Variants in CMTR1 observed in about 807,000 individuals in gnomAD.
CMTR1 encodes the protein cap methyltransferase 1, also known as cap-specific mRNA (nucleoside-2'-O-)-methyltransferase 1.
A neutral mutation model predicts 107.0 loss-of-function variants in CMTR1; 39 were observed. That is an observed-to-expected ratio of 0.36 (90% CI 0.28 to 0.48). The LOEUF is 0.48. Ranked by LOEUF, CMTR1 falls within the 20% of genes least tolerant of loss-of-function variation. The pLI is 0.99. For missense variants in CMTR1, 672 were observed against 1,064.9 expected (o/e 0.63, Z 5.14); for synonymous variants, 366 against 379.5 (o/e 0.96, Z 0.41).
Position 37,479,226 on chromosome 6 carries a change from C to T in CMTR1, c.2346C>T (p.Asp782=). The part of the protein sequence containing the change: ...YNKKTKDSTF[D]LPADSIAPFH... ...AGAAAACCAAGGACTCTACTTTTGA[C>T]CTCCCTGCAGACTCCATTGCCCCAT... The change falls in exon 23 of 24, where the codon GAC becomes GAT. Residue 782 remains aspartate (D), a synonymous_variant. Coordinates refer to ENST00000373451, the MANE Select transcript of CMTR1 (RefSeq NM_015050.3). 1 of 1,613,786 alleles carries T rather than the reference C, an allele frequency of 6.2e-7. No individual in the cohort carries two copies. The highest frequency in any genetic ancestry group is 8.5e-7 in the Non-Finnish European group (1 of 1,179,648).
chr6:37,461,942 T>C (rs1293150978), intron 11 of CMTR1, 28 bp from the exon 12 acceptor site: 1 of 1,613,130 alleles, frequency 6.2e-7, no homozygotes, highest in Non-Finnish European at 8.5e-7. Context: ...ACCCATTGGC[T>C]GCTTTTGGTG....
chr6:37,457,283 A>G (rs1315527789), intron 8 of CMTR1, among the ~76,000 whole-genome samples: 1 of 151,738 alleles, frequency 6.6e-6, no homozygotes, highest in Admixed American at 6.6e-5. Flanking sequence ...CCACAAATGT[A>G]ATTATGCCAA....
intron 13 of CMTR1, among the ~76,000 whole-genome samples, chr6:37,469,521 CTTTTTTTTT>C (rs763917812): frequency 6.8e-4 from 42 of 61,616 alleles, no homozygotes; most frequent in African/African-American, 2.7e-3. Flanking sequence ...TTGTTTTATC[CTTTTTTTTT>C]TTTTTTTTTT....
At chr6:37,430,650 T>TA (rs1318401543), upstream of CMTR1, among the ~76,000 whole-genome samples, 14 of 152,174 alleles carry the variant, frequency 9.2e-5, no homozygotes, top group Non-Finnish European at 1.9e-4. Context: ...TGTTTTCTGT[T>TA]AAAAGCTTTA....
chr6:37,480,590 T>G lies in CMTR1; in HGVS notation c.*445T>G. On this transcript the variant is annotated 3_prime_UTR_variant, in exon 24 of 24. Coordinates refer to ENST00000373451, the MANE Select transcript of CMTR1 (RefSeq NM_015050.3). Reference sequence around the variant, plus strand: ...TTTTATTGGGCCATCCCTGAGTGGGTGGAGACCTGCTGTCATGAGCTGGCC... The same window carrying G: ...TTTTATTGGGCCATCCCTGAGTGGGGGGAGACCTGCTGTCATGAGCTGGCC... 2.4e-5 allele frequency: 25 copies of G among 1,034,830 alleles called. No individual in the cohort carries two copies. The highest frequency in any genetic ancestry group is 2.9e-5 in the Non-Finnish European group (25 of 862,612). The allele number at this position is 1,034,830 out of a possible 1,614,324, so 64.1% of individuals were successfully genotyped here. A position where few individuals can be genotyped will look rare whatever the true frequency, so the allele number is the denominator to read the frequency against.
At chr6:37,432,380 G>T (rs998911958), upstream of CMTR1, among the ~76,000 whole-genome samples, 2 of 152,172 alleles carry the variant, frequency 1.3e-5, no homozygotes, top group African/African-American at 4.8e-5. Flanking sequence ...CTTTGGTTTT[G>T]TGAAGAACGC....
Position 37,462,884 on chromosome 6 carries a change from T to C in CMTR1, c.1381T>C (p.Phe461Leu). 1 of 1,613,900 alleles carries C rather than the reference T, an allele frequency of 6.2e-7. No homozygotes were observed. Among genetic ancestry groups the C allele is most frequent in the Non-Finnish European group, 8.5e-7 (1 of 1,180,036 alleles). Residue 461 changes from phenylalanine (F) to leucine (L), a missense_variant, in exon 13 of 24, where the codon TTC (phenylalanine) becomes CTC (leucine). Around this residue, in one of 2 missense-constraint regions of CMTR1, gnomAD observed 583 missense variants for 968.4 expected, o/e 0.60. Transcript: ENST00000373451. Reference sequence around the variant, plus strand: ...CATAGATGATGTTCGGGATTACCTCTTCGCAGTGAATATTAAACTCAATCA... The same window carrying C: ...CATAGATGATGTTCGGGATTACCTCCTCGCAGTGAATATTAAACTCAATCA... ...VGIDDVRDYL[F>L]AVNIKLNQLR...
In CMTR1 at chr6:37,480,304, G is replaced by A; in HGVS notation, c.*159G>A. 1 of 1,438,026 alleles carries A rather than the reference G, an allele frequency of 7.0e-7. No individual in the cohort carries two copies. Among genetic ancestry groups the A allele is most frequent in the Non-Finnish European group, 9.0e-7 (1 of 1,110,808 alleles). The allele number at this position is 1,438,026 out of a possible 1,614,324, so 89.1% of individuals were successfully genotyped here. ...TGGCCTCCTCTCCATCCCCTGAAGA[G>A]CTCAGGCAGGGCCCTGCAGAGAACA... On this transcript the variant is annotated 3_prime_UTR_variant, in exon 24 of 24. Transcript: ENST00000373451.
chr6:37,462,854 G>A lies in CMTR1; in HGVS notation c.1351G>A (p.Val451Met). The A allele has an allele frequency of 1.2e-6, 2 of 1,613,076 alleles. No homozygotes were observed. Among genetic ancestry groups the A allele is most frequent in the Non-Finnish European group, 1.7e-6 (2 of 1,180,044 alleles). Residue 451 changes from valine (V) to methionine (M), a missense_variant, in exon 13 of 24, where the codon GTG becomes ATG. Around this residue, in one of 2 missense-constraint regions of CMTR1, gnomAD observed 583 missense variants for 968.4 expected, o/e 0.60. Transcript: ENST00000373451. ...GTATGTGGTGTGCAAGGGCCTGAAG[G>A]TGGGCATAGATGATGTTCGGGATTA... ...ERYVVCKGLK[V>M]GIDDVRDYLF...
chr6:37,440,374 A>G (rs922074021), intron 2 of CMTR1, among the ~76,000 whole-genome samples: 10 of 152,220 alleles, frequency 6.6e-5, no homozygotes, highest in Non-Finnish European at 1.0e-4. Context: ...TGAAAAGAGT[A>G]GCCTCAAAGG....
chr6:37,479,547 G>A (rs1761813622), intron 23 of CMTR1, among the ~76,000 whole-genome samples: 1 of 152,198 alleles, frequency 6.6e-6, no homozygotes, highest in African/African-American at 2.4e-5. Flanking sequence ...GCCACGTTTC[G>A]GTGACATTCC....
Position 37,462,037 on chromosome 6 carries a change from G to C in CMTR1, c.1260G>C (p.Leu420=), listed in dbSNP as rs1202092694. ...TTAGTGTGGGGCTTGTCTACCTGCT[G>C]TACTGCTGCTTTGAACGAGTTTGTC... ...TPFSVGLVYL[L]YCCFERVCLF... Residue 420 remains leucine, a synonymous_variant, in exon 12 of 24, where the codon CTG becomes CTC. Transcript: ENST00000373451. 16 of 1,613,772 alleles carry C rather than the reference G, an allele frequency of 9.9e-6. No homozygotes were observed. Among genetic ancestry groups the C allele is most frequent in the Admixed American group, 1.7e-5 (1 of 59,940 alleles).
At chr6:37,476,345 T>C in intron 20 of CMTR1, 151 bp downstream of exon 20, 1 of 762,680 alleles carries the variant, frequency 1.3e-6, no homozygotes, top group East Asian at 2.6e-5. Context: ...TTGGGGGTGC[T>C]AGGTAGGTGA....
chr6:37,431,962 C>T (rs951102995), upstream of CMTR1, among the ~76,000 whole-genome samples: 5 of 152,248 alleles, frequency 3.3e-5, no homozygotes, highest in African/African-American at 9.6e-5. Context: ...ACTATAGGTG[C>T]GCACCACCAC....
chr6:37,435,504 C>T, intron 1 of CMTR1, 120 bp from the exon 2 acceptor site: 1 of 1,067,816 alleles, frequency 9.4e-7, no homozygotes, highest in Non-Finnish European at 1.3e-6. Flanking sequence ...AGTGCTGGCA[C>T]TGGAAGATGT....
Position 37,481,225 on chromosome 6 carries a change from G to A in CMTR1, c.*1080G>A, listed in dbSNP as rs1761849928. The A allele has an allele frequency of 1.5e-6, 2 of 1,296,830 alleles. No homozygotes were observed. The highest frequency in any genetic ancestry group is 2.0e-6 in the Non-Finnish European group (2 of 985,126). 80.3% of individuals were successfully genotyped at this position (1,296,830 alleles called of 1,614,324 possible). On this transcript the variant is annotated 3_prime_UTR_variant, in exon 24 of 24. Transcript: ENST00000373451. ...GGAGCTGGGCAGTAGCTTGGGGTGG[G>A]GGTGGGCACCTGTGGTTGTTTTTAA...
intron 13 of CMTR1, among the ~76,000 whole-genome samples, chr6:37,467,287 A>T (rs892956442): frequency 1.3e-5 from 2 of 152,168 alleles, no homozygotes; most frequent in Admixed American, 6.6e-5. Context: ...GATTATGTAT[A>T]TGTGTTGTAT....
chr6:37,473,412 G>A (rs1317197539), intron 16 of CMTR1, 58 bp from the exon 17 acceptor site: 14 of 1,570,190 alleles, frequency 8.9e-6, no homozygotes, highest in South Asian at 1.2e-5. Flanking sequence ...GCCCAGATAG[G>A]CACCCATACT....
chr6:37,451,886 T>G lies in CMTR1; in HGVS notation c.609+9T>G, dbSNP rs1048668455. 3 of 1,609,908 alleles carry G rather than the reference T, an allele frequency of 1.9e-6. No homozygotes were observed. In the African/African-American group the frequency reaches 4.0e-5, roughly 22 times the overall value. ...GTGTGTTGCAGTGTAAGGTAAGGTC[T>G]TGTGGCTAGAACCAGATAATGAAAA... On this transcript the variant is annotated intron_variant, in intron 6 of 23. Transcript: ENST00000373451.
Sources: allele counts gnomAD v4.1 joint callset (sites outside exome capture counted in the v4.1 genomes callset), GRCh38; gene constraint gnomAD v4.1.1; regional missense constraint gnomAD v4.1.1; transcripts MANE v1.5; gene names NCBI Gene and HGNC (gene_info 2026-07-23, HGNC 2026-07-21).